YIPF6: variants seen among roughly 807,000 people sequenced by gnomAD.
YIPF6 encodes the protein Yip1 domain family member 6.
Under a neutral mutation model 16.8 loss-of-function variants are expected in YIPF6, and 3 were observed. The ratio of observed to expected loss-of-function variants is 0.18; its 90% CI spans 0.08 to 0.46. The LOEUF is 0.46. YIPF6 is among the 20% of genes least tolerant of loss of function. The pLI is 0.98. For synonymous variants in YIPF6, 67 were observed against 61.9 expected, an observed-to-expected ratio of 1.08 and a Z score of -0.38; for missense variants, 145 against 184.9, an observed-to-expected ratio of 0.78 and a Z score of 1.25.
At position 68,532,039 on chromosome X, in the gene YIPF6, C is replaced by T. The variant is rs748765236; in HGVS notation, c.*40C>T. The T allele has an allele frequency of 4.4e-5, 45 of 1,012,905 alleles. No individual in the cohort carries two copies. Among genetic ancestry groups the T allele is most frequent in the South Asian group, 6.2e-5 (3 of 48,634 alleles). 83.5% of individuals were successfully genotyped at this position (1,012,905 alleles called of 1,213,427 possible). On this transcript the variant is annotated 3_prime_UTR_variant, in exon 7 of 7. Coordinates refer to ENST00000462683, the MANE Select transcript of YIPF6 (RefSeq NM_173834.4). ...ATTAAAAACCAGTGAATTGAAAGCA[C>T]ATCTGAAAGATGCAATTCACCATGG...
intron 1 of YIPF6, among the ~76,000 whole-genome samples, chrX:68,501,909 A>G (rs1161827187): frequency 1.8e-5 from 2 of 111,566 alleles, no homozygotes; most frequent in Non-Finnish European, 1.9e-5. Context: ...TATTGGGGAA[A>G]TTACCAAACC....
At chrX:68,499,914 A>G (rs1226286670) in intron 1 of YIPF6, among the ~76,000 whole-genome samples, 1 of 112,369 alleles carries the variant, frequency 8.9e-6, no homozygotes, top group Non-Finnish European at 1.9e-5. Flanking sequence ...TGTTGGGATT[A>G]CAGGCGTGAG....
At chrX:68,515,953 G>A (rs1302949506) in intron 3 of YIPF6, among the ~76,000 whole-genome samples, 1 of 111,503 alleles carries the variant, frequency 9.0e-6, no homozygotes, top group Non-Finnish European at 1.9e-5. Flanking sequence ...GTGAAACCCT[G>A]TCTCATTACA....
chrX:68,499,140 C>A lies in YIPF6; in HGVS notation c.57+17C>A. ...AGGCCCCTGGTGAGCTTGGGATCTG[C>A]GACAAAAGGGACCGAGGGTGAGGCA... On this transcript the variant is annotated intron_variant, in intron 1 of 6. Transcript: ENST00000462683. 8.5e-7 allele frequency: 1 copy of A among 1,174,087 alleles called. No homozygotes were observed. The highest frequency in any genetic ancestry group is 1.1e-6 in the Non-Finnish European group (1 of 876,785).
Position 68,499,099 on chromosome X carries a change from G to T in YIPF6, c.33G>T (p.Pro11=). 1 of 1,187,577 alleles carries T rather than the reference G, an allele frequency of 8.4e-7. No individual in the cohort carries two copies. Among genetic ancestry groups the T allele is most frequent in the South Asian group, 1.9e-5 (1 of 53,867 alleles). ...AAGCGGAGGAGTCTCCAGGAGACCCGGGGACAGCATCGCCCAGGCCCCTGG... is the reference window on the plus strand; with the variant it reads ...AAGCGGAGGAGTCTCCAGGAGACCCTGGGACAGCATCGCCCAGGCCCCTGG... MAEAEESPGD[P]GTASPRPLFA... The change falls in exon 1 of 7, where the codon CCG becomes CCT. Residue 11 remains proline (P), a synonymous_variant. Coordinates refer to ENST00000462683, the MANE Select transcript of YIPF6 (RefSeq NM_173834.4).
rs2079187727 is a variant in YIPF6 at position 68,535,406 on chromosome X, C to T, written c.*3407C>T. On this transcript the variant is annotated 3_prime_UTR_variant, in exon 7 of 7. Transcript: ENST00000462683. ...GTCAGTTCAAGTTCTTGGGTAACAT[C>T]AAGTCATTAGAATTTATCTAAAGCT... 8.9e-6 allele frequency: 1 copy of T among 112,056 alleles called. No individual in the cohort carries two copies. Among genetic ancestry groups the T allele is most frequent in the Non-Finnish European group, 1.9e-5 (1 of 53,276 alleles). 9.2% of individuals were successfully genotyped at this position (112,056 alleles called of 1,213,427 possible).
At chrX:68,521,057 G>T (rs1362459541) in intron 4 of YIPF6, among the ~76,000 whole-genome samples, 1 of 110,516 alleles carries the variant, frequency 9.0e-6, no homozygotes, top group African/African-American at 3.3e-5. Context: ...ATAAGCCCAA[G>T]GCCTCATTAT....
chrX:68,522,612 A>G, intron 5 of YIPF6, 148 bp from the exon 6 acceptor site: 1 of 574,664 alleles, frequency 1.7e-6, no homozygotes, highest in Non-Finnish European at 2.6e-6. Flanking sequence ...AGCCAAAAGC[A>G]TGTACTTAAT....
chrX:68,509,077 G>C lies in YIPF6; in HGVS notation c.58-2772G>C, dbSNP rs144606625. Reference sequence around the variant, plus strand: ...TTGTTACCTTGAGTTTAGGGGTGGGGGTGCTATGTTGTCCCAGTGTTTTGT... The same window carrying C: ...TTGTTACCTTGAGTTTAGGGGTGGGCGTGCTATGTTGTCCCAGTGTTTTGT... On this transcript the variant is annotated intron_variant, in intron 1 of 6. Coordinates refer to ENST00000462683, the MANE Select transcript of YIPF6 (RefSeq NM_173834.4). 6.4e-3 allele frequency among the ~76,000 whole-genome samples: 694 copies of C among 108,957 alleles called. 31 individuals carry two copies. The East Asian group carries it at 0.15, about 23-fold the overall frequency. The allele number at this position is 108,957 out of a possible 115,157, so 94.6% of individuals were successfully genotyped here.
rs1414986569 is a variant in YIPF6 at position 68,504,852 on chromosome X, G to A, written c.57+5729G>A. 5.3e-5 allele frequency among the ~76,000 whole-genome samples: 6 copies of A among 112,183 alleles called. No homozygotes were observed. The East Asian group carries it at 1.7e-3, about 32-fold the overall frequency. ...AGATGGAACTGGGATTTGAACTCAG[G>A]CTATTTGGCCTGCACTCTTAACCAG... On this transcript the variant is annotated intron_variant, in intron 1 of 6. Coordinates refer to ENST00000462683, the MANE Select transcript of YIPF6 (RefSeq NM_173834.4).
In YIPF6 at chrX:68,533,290, C is replaced by G. The variant is rs1002951963; in HGVS notation, c.*1291C>G. 9.0e-6 allele frequency: 1 copy of G among 111,654 alleles called. No homozygotes were observed. The highest frequency in any genetic ancestry group is 1.9e-5 in the Non-Finnish European group (1 of 53,178). The allele number at this position is 111,654 out of a possible 1,213,427, so 9.2% of individuals were successfully genotyped here. On this transcript the variant is annotated 3_prime_UTR_variant, in exon 7 of 7. Transcript: ENST00000462683. ...GAAGGTTTTTCAGGGAGCAGAGCAT[C>G]TGGGACAGGCTGATTCTGAGCTAAA...
chrX:68,499,170 GC>G, intron 1 of YIPF6, 47 bp downstream of exon 1: 1 of 1,147,681 alleles, frequency 8.7e-7, no homozygotes. Flanking sequence ...GAGGCAGAGT[GC>G]CCCCTAAAGA....
rs377342857 is a variant in YIPF6, at chrX:68,499,281, T to A, written c.57+158T>A. 1.5e-4 allele frequency: 102 copies of A among 673,636 alleles called. 1 individual carries two copies. In the South Asian group the frequency reaches 3.1e-3, roughly 20 times the overall value. 55.5% of individuals were successfully genotyped at this position (673,636 alleles called of 1,213,427 possible). ...GAACCAGTCCCAACACTGCACCTGT[T>A]CTTTGCGCTAACCGCTTTGCCCCCT... is the stretch of plus-strand genomic sequence containing the variant. On this transcript the variant is annotated intron_variant, in intron 1 of 6. Coordinates refer to ENST00000462683, the MANE Select transcript of YIPF6 (RefSeq NM_173834.4).
intron 3 of YIPF6, among the ~76,000 whole-genome samples, chrX:68,518,272 CAAA>C (rs56068863): frequency 5.4e-5 from 4 of 74,141 alleles, no homozygotes; most frequent in Admixed American, 1.6e-4. Flanking sequence ...AACTCCATCT[CAAA>C]AAAAAAAAAA....
intron 1 of YIPF6, among the ~76,000 whole-genome samples, chrX:68,504,987 C>G (rs2079054297): frequency 1.8e-5 from 2 of 111,964 alleles, no homozygotes; most frequent in East Asian, 2.8e-4. Flanking sequence ...GACTTTAAAG[C>G]CTGTTTTTTT....
Position 68,531,985 on chromosome X carries a change from T to A in YIPF6, c.697T>A (p.Phe233Ile). 8.4e-7 allele frequency: 1 copy of A among 1,189,465 alleles called. No homozygotes were observed. The highest frequency in any genetic ancestry group is 3.0e-5 in the East Asian group (1 of 33,629). ...TGTCATCAGTTGGATGATTCTCACC[T>A]TTACTCCTCAGTAAATCAGGAATGG... ...YFVISWMILT[F>I]TPQ is the part of the protein sequence containing the mutation. The change falls in exon 7 of 7, where the codon TTT becomes ATT. Residue 233 changes from phenylalanine (F) to isoleucine (I), a missense_variant. By Grantham distance (21) the Phe-to-Ile change is conservative. Coordinates refer to ENST00000462683, the MANE Select transcript of YIPF6 (RefSeq NM_173834.4).
intron 3 of YIPF6, among the ~76,000 whole-genome samples, chrX:68,516,527 A>G (rs1043901626): frequency 9.0e-6 from 1 of 111,027 alleles, no homozygotes; most frequent in Non-Finnish European, 1.9e-5. Context: ...TTGAGCAGTT[A>G]AAAAAAAATT....
intron 1 of YIPF6, among the ~76,000 whole-genome samples, chrX:68,506,102 A>G (rs1161219618): frequency 9.0e-6 from 1 of 111,023 alleles, no homozygotes; most frequent in African/African-American, 3.3e-5. Flanking sequence ...ATTTTAAAGC[A>G]AAGCCCAGAC....
At chrX:68,516,938 C>G (rs912088010) in intron 3 of YIPF6, among the ~76,000 whole-genome samples, 3 of 109,980 alleles carry the variant, frequency 2.7e-5, no homozygotes, top group African/African-American at 1.0e-4. Context: ...CCTGCCTCAG[C>G]CTCCCTAGTA....
Sources: allele counts gnomAD v4.1 joint callset (sites outside exome capture counted in the v4.1 genomes callset), GRCh38; gene constraint gnomAD v4.1.1; transcripts MANE v1.5; gene names NCBI Gene and HGNC (gene_info 2026-07-23, HGNC 2026-07-21).